The following FAM161B variants were observed in gnomAD, a reference collection of about 807,000 sequenced individuals.
FAM161B encodes FAM161 centrosomal protein B, also known as protein FAM161B.
In FAM161B, 46 loss-of-function variants were observed where a neutral mutation model predicts 61.5. The observed-to-expected ratio is 0.75, with a 90% CI of 0.59 to 0.96. FAM161B has a LOEUF of 0.96. Among genes scored for constraint, FAM161B ranks in the 40% least tolerant of loss-of-function variants. The pLI, the probability that FAM161B is intolerant of heterozygous loss-of-function variation, is 0.00. For synonymous variants in FAM161B, 284 were observed against 302.7 expected, an observed-to-expected ratio of 0.94 and a Z score of 0.64; for missense variants, 774 against 800.7, an observed-to-expected ratio of 0.97 and a Z score of 0.40.
At position 73,942,152 on chromosome 14, in the gene FAM161B, G is replaced by A. The variant is rs2056024291; in HGVS notation, c.1272+217C>T. ...ACTACAGGTACACACCACCACATGT[G>A]GCAAATATTTGTATTTTTCTTTTAG... is the stretch of plus-strand genomic sequence containing the variant. On this transcript the variant is annotated intron_variant, in intron 4 of 8. Transcript: ENST00000286544. Among the ~76,000 whole-genome samples, 4 of 152,060 alleles carry A rather than the reference G, an allele frequency of 2.6e-5. No individual in the cohort carries two copies. In the South Asian group the frequency reaches 8.3e-4, roughly 32 times the overall value.
At chr14:73,948,975 G>C (rs1448024663) in intron 1 of FAM161B, among the ~76,000 whole-genome samples, 1 of 151,984 alleles carries the variant, frequency 6.6e-6, no homozygotes, top group Non-Finnish European at 1.5e-5. Flanking sequence ...CTAGAGTGCA[G>C]TGGTGCAATC....
rs752894369 is a variant in FAM161B at position 73,942,466 on chromosome 14, G to A, written c.1175C>T (p.Thr392Ile). The A allele has an allele frequency of 1.9e-6, 3 of 1,614,188 alleles. No individual in the cohort carries two copies. The highest frequency in any genetic ancestry group is 2.5e-6 in the Non-Finnish European group (3 of 1,180,044). The change falls in exon 4 of 9, where the codon ACC becomes ATC. Residue 392 changes from threonine to isoleucine, a missense_variant. Thr to Ile is a moderately conservative substitution (Grantham distance 89, BLOSUM62 -1). Coordinates refer to ENST00000286544, the MANE Select transcript of FAM161B (RefSeq NM_152445.3). Reference sequence around the variant, plus strand: ...GGGCTTGTTGCGAGTGGCCTCTTGGGTTTCTCTTCTTTTGGCTGCTCTTCT... The same window carrying A: ...GGGCTTGTTGCGAGTGGCCTCTTGGATTTCTCTTCTTTTGGCTGCTCTTCT... The part of the protein sequence containing the change: ...FQRRAAKRRE[T>I]QEATRNKPFL...
At chr14:73,937,883 C>T (rs1340562455) in intron 6 of FAM161B, 65 bp downstream of exon 6, 28 of 1,597,344 alleles carry the variant, frequency 1.8e-5, no homozygotes, top group Middle Eastern at 1.7e-4. Flanking sequence ...CATTTTCTGG[C>T]AATAGGCCAG....
Position 73,932,786 on chromosome 14 carries a change from G to GCTAA in FAM161B, c.*1466_*1469dup, listed in dbSNP as rs1758340539. On this transcript the variant is annotated 3_prime_UTR_variant, in exon 9 of 9. Coordinates refer to ENST00000286544, the MANE Select transcript of FAM161B (RefSeq NM_152445.3). Reference sequence around the variant, plus strand: ...ACTATAGGCATGTACCACCAGTCCAGCTAACTTTTTGTGGTTTTTTTGGTA... The same window carrying GCTAA: ...ACTATAGGCATGTACCACCAGTCCAGCTAACTAACTTTTTGTGGTTTTTTTGGTA... The GCTAA allele has an allele frequency of 4.7e-6, 1 of 214,924 alleles. No homozygotes were observed. The highest frequency in any genetic ancestry group is 2.3e-5 in the African/African-American group (1 of 42,730). The allele number at this position is 214,924 out of a possible 1,614,324, so 13.3% of individuals were successfully genotyped here.
Position 73,938,132 on chromosome 14 carries a change from A to G in FAM161B, c.1401-20T>C. Reference sequence around the variant, plus strand: ...GCACTTCTAAAGGAAGGAGGCAGAAAAAGAGTATAGATTACCAACCTGGGT... The same window carrying G: ...GCACTTCTAAAGGAAGGAGGCAGAAGAAGAGTATAGATTACCAACCTGGGT... On this transcript the variant is annotated intron_variant, in intron 5 of 8. Coordinates refer to ENST00000286544, the MANE Select transcript of FAM161B (RefSeq NM_152445.3). 2 of 1,613,218 alleles carry G rather than the reference A, an allele frequency of 1.2e-6. No individual in the cohort carries two copies. Among genetic ancestry groups the G allele is most frequent in the East Asian group, 4.5e-5 (2 of 44,882 alleles).
chr14:73,944,839 T>A lies in FAM161B; in HGVS notation c.421A>T (p.Asn141Tyr). Residue 141 changes from asparagine (N) to tyrosine (Y), a missense_variant, in exon 3 of 9, where the codon AAC (asparagine) becomes TAC (tyrosine). Physicochemically the swap from Asn to Tyr is moderately radical, Grantham distance 143. Transcript: ENST00000286544. ...GGCTGGGTCTGAGGCCTGGGAATGT[T>A]GGAGGGAAGGTTGTTCAGGGAGCTG... ...RCSSLNNLPS[N>Y]IPRPQTQPPS... 6.5e-7 allele frequency: 1 copy of A among 1,534,806 alleles called. No individual in the cohort carries two copies. Among genetic ancestry groups the A allele is most frequent in the South Asian group, 1.3e-5 (1 of 78,900 alleles).
At chr14:73,932,008 C>T, downstream of FAM161B, 1 of 456,518 alleles carries the variant, frequency 2.2e-6, no homozygotes, top group Non-Finnish European at 4.4e-6. Flanking sequence ...GGAGTGATGT[C>T]AATTCTCTTG....
At chr14:73,937,426 C>G (rs1159834661) in intron 7 of FAM161B, among the ~76,000 whole-genome samples, 176 bp downstream of exon 7, 1 of 152,098 alleles carries the variant, frequency 6.6e-6, no homozygotes, top group African/African-American at 2.4e-5. Flanking sequence ...TGGATGAAAT[C>G]AACACAAGCA....
chr14:73,932,358 G>A lies in FAM161B; in HGVS notation c.*1898C>T. On this transcript the variant is annotated 3_prime_UTR_variant, in exon 9 of 9. Transcript: ENST00000286544. ...ATCTTTCCCTTTAAAATAGTGTATTGATTTACCCTTAGGATTCCATACCAG... is the reference window on the plus strand; with the variant it reads ...ATCTTTCCCTTTAAAATAGTGTATTAATTTACCCTTAGGATTCCATACCAG... The A allele has an allele frequency of 2.5e-6, 1 of 406,336 alleles. No homozygotes were observed. Among genetic ancestry groups the A allele is most frequent in the Non-Finnish European group, 4.8e-6 (1 of 209,698 alleles). 25.2% of individuals were successfully genotyped at this position (406,336 alleles called of 1,614,324 possible).
chr14:73,946,596 G>T lies in FAM161B; in HGVS notation c.64C>A (p.Pro22Thr), dbSNP rs777118103. ...GAEGSRQIFP[P>T]ESFADTEAGE... ...GCCTCTGTGTCTGCGAAGGACTCGG[G>T]GGGAAATATCTAAAATAGAATAGAA... is the stretch of plus-strand genomic sequence containing the variant. Residue 22 changes from proline to threonine, a missense_variant, in exon 2 of 9, where the codon CCC (proline) becomes ACC (threonine). Coordinates refer to ENST00000286544, the MANE Select transcript of FAM161B (RefSeq NM_152445.3). The T allele has an allele frequency of 6.2e-7, 1 of 1,612,670 alleles. No individual in the cohort carries two copies. Among genetic ancestry groups the T allele is most frequent in the Non-Finnish European group, 8.5e-7 (1 of 1,179,028 alleles).
intron 5 of FAM161B, among the ~76,000 whole-genome samples, chr14:73,939,483 G>A (rs1038361228): frequency 3.3e-5 from 5 of 152,066 alleles, no homozygotes; most frequent in Non-Finnish European, 7.4e-5. Flanking sequence ...CTTTTTATAG[G>A]GGAGGTGATT....
In FAM161B at chr14:73,936,139, A is replaced by T. The variant is rs547014570; in HGVS notation, c.1666-51T>A. ...TAGCTGTCTTATGAATTACCAGACA[A>T]TTCTAAATTACTTAATCAGTATTGT... On this transcript the variant is annotated intron_variant, in intron 7 of 8. Transcript: ENST00000286544. 1.5e-5 allele frequency: 23 copies of T among 1,529,716 alleles called. No individual in the cohort carries two copies. The East Asian group carries it at 3.9e-4, about 26-fold the overall frequency. 94.8% of individuals were successfully genotyped at this position (1,529,716 alleles called of 1,614,324 possible). A position where few individuals can be genotyped will look rare whatever the true frequency, so the allele number is the denominator to read the frequency against.
downstream of FAM161B, among the ~76,000 whole-genome samples, chr14:73,930,690 A>C (rs975349740): frequency 2.0e-5 from 3 of 151,720 alleles, no homozygotes; most frequent in South Asian, 2.1e-4. Flanking sequence ...GCACCCTTGA[A>C]CTCCTGGGCT....
At chr14:73,941,346 T>C (rs930320835) in intron 4 of FAM161B, among the ~76,000 whole-genome samples, 3 of 152,090 alleles carry the variant, frequency 2.0e-5, no homozygotes, top group Admixed American at 6.5e-5. Context: ...GGTCTCGAAT[T>C]CCTGATCTCA....
chr14:73,929,892 C>T (rs2055886402), downstream of FAM161B, among the ~76,000 whole-genome samples: 1 of 152,054 alleles, frequency 6.6e-6, no homozygotes, highest in African/African-American at 2.4e-5. Context: ...GGTGGACAAT[C>T]TCTATTTTCC....
chr14:73,941,470 G>C (rs1476826930), intron 4 of FAM161B, among the ~76,000 whole-genome samples: 1 of 152,082 alleles, frequency 6.6e-6, no homozygotes, highest in Non-Finnish European at 1.5e-5. Flanking sequence ...CTGAAAATGA[G>C]AATCTTCATT....
At chr14:73,930,536 A>C (rs1332021762), downstream of FAM161B, among the ~76,000 whole-genome samples, 2 of 152,176 alleles carry the variant, frequency 1.3e-5, no homozygotes, top group Admixed American at 1.3e-4. Context: ...CTCAAGCTGA[A>C]GAATTTATTT....
chr14:73,926,222 C>G, the FAM161B span, among the ~76,000 whole-genome samples: 2 of 152,128 alleles, frequency 1.3e-5, no homozygotes, highest in Admixed American at 1.3e-4. Flanking sequence ...CCACTTCAAA[C>G]AAAGATAACA....
Position 73,950,004 on chromosome 14 carries a change from C to T in FAM161B, c.23G>A (p.Gly8Glu), listed in dbSNP as rs371071073. MTVGRPEGAPGGAEGSRQ... is the reference protein window; with the variant it reads MTVGRPEEAPGGAEGSRQ... ...GCTCCCCTCCGCGCCTCCGGGGGCT[C>T]CCTCAGGCCTCCCCACGGTCATTTC... Residue 8 changes from glycine to glutamate, a missense_variant, in exon 1 of 9, where the codon GGA (glycine) becomes GAA (glutamate). Coordinates refer to ENST00000286544, the MANE Select transcript of FAM161B (RefSeq NM_152445.3). The T allele has an allele frequency of 6.2e-7, 1 of 1,613,166 alleles. No individual in the cohort carries two copies. The highest frequency in any genetic ancestry group is 8.5e-7 in the Non-Finnish European group (1 of 1,180,020).
Sources: allele counts gnomAD v4.1 joint callset (sites outside exome capture counted in the v4.1 genomes callset), GRCh38; gene constraint gnomAD v4.1.1; transcripts MANE v1.5; gene names NCBI Gene and HGNC (gene_info 2026-07-23, HGNC 2026-07-21).